Variants in NSRP1 observed in about 807,000 individuals in gnomAD.
The protein encoded by NSRP1 is nuclear speckle splicing regulatory protein 1.
A neutral mutation model predicts 54.7 loss-of-function variants in NSRP1; 24 were observed. The ratio of observed to expected loss-of-function variants is 0.44; its 90% CI spans 0.32 to 0.62. NSRP1 has a LOEUF of 0.62. Among genes scored for constraint, NSRP1 ranks in the 20% least tolerant of loss-of-function variants. The probability of loss-of-function intolerance (pLI) is 0.06; values close to 1 mark genes in which losing one functional copy is unlikely to be tolerated. For synonymous variants in NSRP1, 210 were observed against 213.8 expected (o/e 0.98, Z 0.15); for missense variants, 596 against 651.2 (o/e 0.92, Z 0.92).
intron 2 of NSRP1, among the ~76,000 whole-genome samples, chr17:30,155,615 G>A (rs563544749): frequency 7.1e-4 from 108 of 151,936 alleles, no homozygotes; most frequent in African/African-American, 2.5e-3. Context: ...CATGATCATA[G>A]TGCACTATGC....
rs1905212176 is a variant in NSRP1, at chr17:30,178,948, T to C, written c.301-142T>C. ...TGGAAAACAGTTTCAATATTAATCT[T>C]GCTAGTAAGTTTATATTGAATGTAG... On this transcript the variant is annotated intron_variant, in intron 4 of 6. Transcript: ENST00000247026. The C allele has an allele frequency of 9.1e-6, 4 of 440,382 alleles. No homozygotes were observed. The Admixed American group carries it at 1.7e-4, about 19-fold the overall frequency. 27.3% of individuals were successfully genotyped at this position (440,382 alleles called of 1,614,324 possible).
In NSRP1 at chr17:30,139,746, C is replaced by T. The variant is rs568911948; in HGVS notation, c.114+21573C>T. 3.9e-5 allele frequency among the ~76,000 whole-genome samples: 6 copies of T among 152,044 alleles called. No homozygotes were observed. In the East Asian group the frequency reaches 5.8e-4, roughly 15 times the overall value. ...GGAATACTGAGACACTATTTGAGGC[C>T]GGGCATGGTGGCTCACGCCTGTAAT... is the stretch of plus-strand genomic sequence containing the variant. On this transcript the variant is annotated intron_variant, in intron 2 of 6. Transcript: ENST00000247026.
At chr17:30,128,685 G>C (rs886755627) in intron 2 of NSRP1, among the ~76,000 whole-genome samples, 3 of 151,994 alleles carry the variant, frequency 2.0e-5, no homozygotes, top group African/African-American at 7.2e-5. Context: ...GTATTCAAAA[G>C]CATTTATCTT....
At chr17:30,181,599 T>G (rs566203945) in intron 6 of NSRP1, among the ~76,000 whole-genome samples, 7 of 139,714 alleles carry the variant, frequency 5.0e-5, no homozygotes, top group East Asian at 2.0e-4. Context: ...TGTGTGTGGT[T>G]TTTTTTTTTT....
chr17:30,179,881 G>A (rs947386035), intron 5 of NSRP1, among the ~76,000 whole-genome samples: 2 of 152,034 alleles, frequency 1.3e-5, no homozygotes, highest in Admixed American at 6.6e-5. Context: ...CTGTCACCCA[G>A]GCTGGAGTGC....
chr17:30,164,885 T>G (rs1243309010), intron 2 of NSRP1, among the ~76,000 whole-genome samples: 2 of 152,222 alleles, frequency 1.3e-5, no homozygotes, highest in Non-Finnish European at 2.9e-5. Context: ...TTAAAATAAT[T>G]GTCTACCTAC....
chr17:30,176,788 T>C (rs960340426), intron 3 of NSRP1, among the ~76,000 whole-genome samples: 1 of 152,112 alleles, frequency 6.6e-6, no homozygotes, highest in African/African-American at 2.4e-5. Flanking sequence ...TTTCTAAAGG[T>C]TGAGAAGTGA....
At chr17:30,132,521 T>A (rs1200892634) in intron 2 of NSRP1, among the ~76,000 whole-genome samples, 1 of 152,134 alleles carries the variant, frequency 6.6e-6, no homozygotes, top group East Asian at 1.9e-4. Context: ...GCCACTGCAC[T>A]CCAGCTTGGG....
chr17:30,124,616 A>G (rs1355887086), intron 2 of NSRP1, among the ~76,000 whole-genome samples: 1 of 152,232 alleles, frequency 6.6e-6, no homozygotes, highest in Non-Finnish European at 1.5e-5. Context: ...AGTGATATAT[A>G]GAGGGATACA....
intron 2 of NSRP1, among the ~76,000 whole-genome samples, chr17:30,118,805 A>ATGCCGCG (rs1369184059): frequency 6.6e-6 from 1 of 150,782 alleles, no homozygotes; most frequent in African/African-American, 2.4e-5. Context: ...CTGGAGTGCA[A>ATGCCGCG]TGCCGCGATC....
chr17:30,181,085 T>A, intron 6 of NSRP1, 69 bp downstream of exon 6: 1 of 979,866 alleles, frequency 1.0e-6, no homozygotes, highest in Non-Finnish European at 1.6e-6. Context: ...GGGGTCATTT[T>A]AACCCTCTGA....
intron 3 of NSRP1, among the ~76,000 whole-genome samples, chr17:30,176,520 G>A (rs1905130441): frequency 6.6e-6 from 1 of 151,208 alleles, no homozygotes; most frequent in South Asian, 2.1e-4. Flanking sequence ...TGAGGCAGGG[G>A]AATCGCTTGA....
At chr17:30,118,876 G>A (rs1033931031) in intron 2 of NSRP1, among the ~76,000 whole-genome samples, 3 of 151,660 alleles carry the variant, frequency 2.0e-5, no homozygotes, top group East Asian at 3.9e-4. Context: ...ATCTTCCTGA[G>A]TAGCTGGGAT....
At position 30,130,123 on chromosome 17, in the gene NSRP1, G is replaced by A. The variant is rs149710557; in HGVS notation, c.114+11950G>A. Reference sequence around the variant, plus strand: ...TTTAAAATATTTCATTTTGAGACAGGGACTCACTGTTGTCCAGGCTAGAGT... The same window carrying A: ...TTTAAAATATTTCATTTTGAGACAGAGACTCACTGTTGTCCAGGCTAGAGT... On this transcript the variant is annotated intron_variant, in intron 2 of 6. Transcript: ENST00000247026. Among the ~76,000 whole-genome samples the A allele has an allele frequency of 5.6e-3, 858 of 152,016 alleles. 4 individuals carry two copies. The highest frequency in any genetic ancestry group is 8.7e-3 in the Admixed American group (133 of 15,248).
intron 3 of NSRP1, among the ~76,000 whole-genome samples, chr17:30,177,444 T>C (rs1032889451): frequency 2.0e-5 from 3 of 151,722 alleles, no homozygotes; most frequent in South Asian, 2.1e-4. Context: ...AGAAAGATCA[T>C]TGGGGGTTAG....
intron 2 of NSRP1, among the ~76,000 whole-genome samples, chr17:30,157,879 C>T (rs1371146593): frequency 1.3e-5 from 2 of 152,124 alleles, no homozygotes; most frequent in Non-Finnish European, 2.9e-5. Flanking sequence ...GTTTAACACA[C>T]TTTATCCGTT....
At chr17:30,118,371 CTT>C (rs772742769) in intron 2 of NSRP1, among the ~76,000 whole-genome samples, 198 bp downstream of exon 2, 86 of 152,244 alleles carry the variant, frequency 5.6e-4, no homozygotes, top group Non-Finnish European at 5.1e-4. Flanking sequence ...AAGCTGCAAA[CTT>C]TACCTTTAAA....
At chr17:30,177,879 A>G in intron 3 of NSRP1, 192 bp from the exon 4 acceptor site, 1 of 659,922 alleles carries the variant, frequency 1.5e-6, no homozygotes, top group Non-Finnish European at 2.7e-6. Context: ...GCCCGGAGTA[A>G]TTAGTAAGTG....
In NSRP1 at chr17:30,185,323, A is replaced by C; in HGVS notation, c.1326A>C (p.Val442=). 1 of 1,607,594 alleles carries C rather than the reference A, an allele frequency of 6.2e-7. No individual in the cohort carries two copies. Among genetic ancestry groups the C allele is most frequent in the Non-Finnish European group, 8.5e-7 (1 of 1,178,388 alleles). Residue 442 remains valine (V), a synonymous_variant, in exon 7 of 7, where the codon GTA becomes GTC. Coordinates refer to ENST00000247026, the MANE Select transcript of NSRP1 (RefSeq NM_032141.4). ...DKYRDREKRE[V]GVQSSERNQD... ...ACAGAGATAGAGAAAAACGAGAGGT[A>C]GGTGTTCAGTCTTCAGAAAGAAATC...
Sources: gnomAD v4.1 joint callset for allele counts (sites outside exome capture counted in the v4.1 genomes callset) on GRCh38, gnomAD v4.1.1 for gene constraint, MANE v1.5 for transcripts, NCBI Gene and HGNC (gene_info 2026-07-23, HGNC 2026-07-21) for gene names.